The following COL16A1 variants were observed in gnomAD, a reference collection of about 807,000 sequenced individuals.
COL16A1 encodes the protein collagen alpha-1(XVI) chain.
COL16A1 carries 189 observed loss-of-function variants against 266.3 expected under a neutral mutation model. That is an observed-to-expected ratio of 0.71 (90% CI 0.63 to 0.80). The LOEUF is 0.80. Ranked by LOEUF, COL16A1 falls within the 30% of genes least tolerant of loss-of-function variation. The pLI, the probability that COL16A1 is intolerant of heterozygous loss-of-function variation, is 0.00. For synonymous variants in COL16A1, 740 were observed against 782.3 expected (o/e 0.95, Z 0.90); for missense variants, 1,928 against 2,122.4 (o/e 0.91, Z 1.80).
chr1:31,688,520 CAG>C lies in COL16A1; in HGVS notation c.1768-20_1768-19del. ...GCTCTACCCTGAAAAACAACCAAGACAGAGTCTCAGCATCTCCCCACTCCCAC... is the reference window on the plus strand; with the variant it reads ...GCTCTACCCTGAAAAACAACCAAGACAGTCTCAGCATCTCCCCACTCCCAC... On this transcript the variant is annotated intron_variant, in intron 25 of 70. Transcript: ENST00000373672. The surrounding 1 kb of genome is among the most constrained non-coding windows in gnomAD (Gnocchi z 4.9). 6.2e-7 allele frequency: 1 copy of C among 1,614,108 alleles called. No individual in the cohort carries two copies. Among genetic ancestry groups the C allele is most frequent in the Non-Finnish European group, 8.5e-7 (1 of 1,180,022 alleles).
At chr1:31,679,883 G>A (rs1323485215) in intron 40 of COL16A1, 32 bp from the exon 41 acceptor site, 1 of 1,503,386 alleles carries the variant, frequency 6.7e-7, no homozygotes. Flanking sequence ...AAAAGAAGGG[G>A]AGAGGTTATA....
Position 31,657,276 on chromosome 1 carries a change from C to T in COL16A1, c.4021-208G>A, listed in dbSNP as rs1211168461. ...GCGTGATCCCAGAGCCCCAACAGCT[C>T]CCAGCCCCCGTCTACAAGAGCTTTA... On this transcript the variant is annotated intron_variant, in intron 64 of 70. Transcript: ENST00000373672. This position sits in a 1 kb window ranked among gnomAD's most constrained non-coding sequence, Gnocchi z 6.4. The T allele has an allele frequency of 1.6e-6, 1 of 609,042 alleles. No homozygotes were observed. The highest frequency in any genetic ancestry group is 2.9e-6 in the Non-Finnish European group (1 of 342,998). 37.7% of individuals were successfully genotyped at this position (609,042 alleles called of 1,614,324 possible). A position where few individuals can be genotyped will look rare whatever the true frequency, so the allele number is the denominator to read the frequency against.
chr1:31,662,192 G>T, intron 58 of COL16A1, 142 bp downstream of exon 58: 1 of 1,465,684 alleles, frequency 6.8e-7, no homozygotes, highest in Non-Finnish European at 9.3e-7. Flanking sequence ...TGGGGTAGAG[G>T]GAGACAGACC....
intron 2 of COL16A1, chr1:31,701,279 T>C: frequency 1.0e-6 from 1 of 981,854 alleles, no homozygotes; most frequent in South Asian, 4.7e-5. Flanking sequence ...TGAAATTATC[T>C]GCCCCATCCC....
chr1:31,679,476 C>T (rs1191770461), intron 42 of COL16A1, 156 bp downstream of exon 42: 1 of 1,612,618 alleles, frequency 6.2e-7, no homozygotes, highest in South Asian at 1.1e-5. Flanking sequence ...GTGGGCCCTC[C>T]TTGCCACCCT....
At chr1:31,701,664 G>T in intron 2 of COL16A1, 1 of 721,124 alleles carries the variant, frequency 1.4e-6, no homozygotes, top group Non-Finnish European at 1.7e-6. Context: ...GTGAGCTAGA[G>T]GGATGGAGTC....
At chr1:31,680,199 C>G in intron 39 of COL16A1, 98 bp from the exon 40 acceptor site, 1 of 1,513,702 alleles carries the variant, frequency 6.6e-7, no homozygotes, top group Non-Finnish European at 8.9e-7. Context: ...ATGGAGAGGC[C>G]AGGGTTTCAA....
chr1:31,691,414 C>T lies in COL16A1; in HGVS notation c.1398+3G>A. On this transcript the variant is annotated splice_donor_region_variant and intron_variant, in intron 19 of 70. Transcript: ENST00000373672. ...ACAGCAGGAGAAGCAAGGGGGTACT[C>T]ACCGGGGTCCCAGGCAGTCCTATCC... 6.2e-7 allele frequency: 1 copy of T among 1,608,632 alleles called. No individual in the cohort carries two copies. Among genetic ancestry groups the T allele is most frequent in the Non-Finnish European group, 8.5e-7 (1 of 1,176,882 alleles).
chr1:31,684,834 A>C lies in COL16A1; in HGVS notation c.2039T>G (p.Leu680Arg). ...GKQGKAGERGLKGQKGDAGNP... is the reference protein window; with the variant it reads ...GKQGKAGERGRKGQKGDAGNP... ...ACGCCCTCTCACCTTCTGCCCCTTC[A>C]GTCCACGCTCTCCAGCCTTGCCCTG... The change falls in exon 30 of 71, where the codon CTG becomes CGG. Residue 680 changes from leucine (L) to arginine (R), a missense_variant. Leu to Arg is a moderately radical substitution (Grantham distance 102). Coordinates refer to ENST00000373672, the MANE Select transcript of COL16A1 (RefSeq NM_001856.4). 1 of 1,614,064 alleles carries C rather than the reference A, an allele frequency of 6.2e-7. No individual in the cohort carries two copies. Among genetic ancestry groups the C allele is most frequent in the Non-Finnish European group, 8.5e-7 (1 of 1,179,986 alleles).
intron 52 of COL16A1, 29 bp downstream of exon 52, chr1:31,667,546 G>C: frequency 1.3e-6 from 2 of 1,569,784 alleles, no homozygotes; most frequent in Non-Finnish European, 1.7e-6. Context: ...GTGCAGCCCT[G>C]CATCCAGCCC....
intron 1 of COL16A1, among the ~76,000 whole-genome samples, chr1:31,702,739 G>A (rs572385786): frequency 1.3e-4 from 20 of 152,306 alleles, no homozygotes; most frequent in Non-Finnish European, 2.5e-4. Context: ...ACAGGGTCAG[G>A]GGCTGGTGAC....
rs748462166 is a variant in COL16A1 at position 31,680,043 on chromosome 1, G to A, written c.2669C>T (p.Pro890Leu). Residue 890 changes from proline (P) to leucine (L), a missense_variant and splice_region_variant, in exon 40 of 71, where the codon CCG (proline) becomes CTG (leucine). By Grantham distance (98) the Pro-to-Leu change is moderately conservative. Around this residue, in one of 2 missense-constraint regions of COL16A1, gnomAD observed 1,552 missense variants for 1,637.2 expected, o/e 0.95. Coordinates refer to ENST00000373672, the MANE Select transcript of COL16A1 (RefSeq NM_001856.4). ...SQGDLIFSGM[P>L]GAPGLWMGSS... ...GAAGGCTCTCACAGCGCCACTTACC[G>A]GCATGCCAGAGAAGATGAGGTCTCC... 36 of 1,613,716 alleles carry A rather than the reference G, an allele frequency of 2.2e-5. No homozygotes were observed. The East Asian group carries it at 4.0e-4, about 18-fold the overall frequency.
rs1180279073 is a variant in COL16A1 at position 31,670,501 on chromosome 1, C to T, written c.3195+101G>A. 3.1e-5 allele frequency: 39 copies of T among 1,278,636 alleles called. No homozygotes were observed. The highest frequency in any genetic ancestry group is 4.7e-5 in the African/African-American group (3 of 63,844). The allele number at this position is 1,278,636 out of a possible 1,614,324, so 79.2% of individuals were successfully genotyped here. A position where few individuals can be genotyped will look rare whatever the true frequency, so the allele number is the denominator to read the frequency against. Reference sequence around the variant, plus strand: ...CGTGCCTGAAGGGGGACAACAAACACGGAGGACGGAGGTGAAGGCACGACA... The same window carrying T: ...CGTGCCTGAAGGGGGACAACAAACATGGAGGACGGAGGTGAAGGCACGACA... On this transcript the variant is annotated intron_variant, in intron 49 of 70. Transcript: ENST00000373672. The surrounding 1 kb of genome is among the most constrained non-coding windows in gnomAD (Gnocchi z 4.5).
intron 10 of COL16A1, 36 bp downstream of exon 10, chr1:31,695,725 G>C: frequency 6.2e-7 from 1 of 1,609,884 alleles, no homozygotes; most frequent in Non-Finnish European, 8.5e-7. Context: ...GTTCATGCTG[G>C]CACCTCCCCT....
rs369673216 is a variant in COL16A1, at chr1:31,699,698, G to T, written c.266+115C>A. The T allele has an allele frequency of 4.3e-5, 31 of 727,930 alleles. No individual in the cohort carries two copies. The South Asian group carries it at 4.5e-4, about 10-fold the overall frequency. The allele number at this position is 727,930 out of a possible 1,614,324, so 45.1% of individuals were successfully genotyped here. A position where few individuals can be genotyped will look rare whatever the true frequency, so the allele number is the denominator to read the frequency against. On this transcript the variant is annotated intron_variant, in intron 4 of 70. Transcript: ENST00000373672. The stretch of plus-strand genomic sequence containing the variant: ...GAGACCAGGTTGACTCCTGGCAGGG[G>T]CTGGGATGCAATGACCCACAGACAG...
At chr1:31,665,347 C>T in intron 55 of COL16A1, 113 bp from the exon 56 acceptor site, 1 of 1,482,722 alleles carries the variant, frequency 6.7e-7, no homozygotes, top group Non-Finnish European at 9.1e-7. Context: ...TTTTGACTTC[C>T]TAGAAGCACC....
Position 31,688,805 on chromosome 1 carries a change from A to T in COL16A1, c.1767+56T>A. ...TGGGATCTGAAAAGCCAGGGAGATC[A>T]ACAGTATGGCAAGGATGGCTGAACT... On this transcript the variant is annotated intron_variant, in intron 25 of 70. Transcript: ENST00000373672. The surrounding 1 kb of genome is among the most constrained non-coding windows in gnomAD (Gnocchi z 4.9). 8 of 1,535,684 alleles carry T rather than the reference A, an allele frequency of 5.2e-6. No individual in the cohort carries two copies. The highest frequency in any genetic ancestry group is 7.1e-6 in the Non-Finnish European group (8 of 1,124,624).
chr1:31,661,306 C>G, intron 60 of COL16A1, 108 bp downstream of exon 60: 1 of 1,577,746 alleles, frequency 6.3e-7, no homozygotes, highest in South Asian at 1.1e-5. Flanking sequence ...CCAGGAGGCT[C>G]TGATGCTGGG....
chr1:31,652,589 T>C lies in COL16A1; in HGVS notation c.*62A>G, dbSNP rs1367742752. 4 of 1,451,200 alleles carry C rather than the reference T, an allele frequency of 2.8e-6. No individual in the cohort carries two copies. The highest frequency in any genetic ancestry group is 2.5e-5 in the East Asian group (1 of 40,182). The allele number at this position is 1,451,200 out of a possible 1,614,324, so 89.9% of individuals were successfully genotyped here. A position where few individuals can be genotyped will look rare whatever the true frequency, so the allele number is the denominator to read the frequency against. Reference sequence around the variant, plus strand: ...AAAACATTCACAACCTGTCACAGAGTCCTATAAGCTTTGGCCATTTATTCC... The same window carrying C: ...AAAACATTCACAACCTGTCACAGAGCCCTATAAGCTTTGGCCATTTATTCC... On this transcript the variant is annotated 3_prime_UTR_variant, in exon 71 of 71. Transcript: ENST00000373672. The surrounding 1 kb of genome is among the most constrained non-coding windows in gnomAD (Gnocchi z 4.8).
Sources: allele counts gnomAD v4.1 joint callset (sites outside exome capture counted in the v4.1 genomes callset), GRCh38; gene constraint gnomAD v4.1.1; regional missense constraint gnomAD v4.1.1; non-coding constraint Gnocchi (gnomAD v3.1); transcripts MANE v1.5; gene names NCBI Gene and HGNC (gene_info 2026-07-23, HGNC 2026-07-21).